Variants in SPRY3 observed in about 807,000 individuals in gnomAD.
The protein encoded by SPRY3 is sprouty RTK signaling antagonist 3.
A neutral mutation model predicts 20.2 loss-of-function variants in SPRY3; 15 were observed. The observed-to-expected ratio is 0.74, with a 90% CI of 0.50 to 1.14. The LOEUF (loss-of-function observed/expected upper bound fraction) is 1.14. Ranked by LOEUF, SPRY3 falls within the 50% of genes most tolerant of loss-of-function variation. The pLI, the probability that SPRY3 is intolerant of heterozygous loss-of-function variation, is 0.00. For missense variants in SPRY3, 364 were observed against 363.9 expected, an observed-to-expected ratio of 1.00 and a Z score of 0.00; for synonymous variants, 143 against 136.5, an observed-to-expected ratio of 1.05 and a Z score of -0.33.
At chrX:155,774,227 C>G in exon 4 of SPRY3, 1 of 1,614,030 alleles carries the variant, frequency 6.2e-7, no homozygotes, top group Non-Finnish European at 8.5e-7. Flanking sequence ...CAACCTGGAG[C>G]AGGGGTCCAC....
intron 2 of SPRY3, among the ~76,000 whole-genome samples, chrX:155,748,779 A>G (rs2091242587): frequency 6.6e-6 from 1 of 151,912 alleles, no homozygotes; most frequent in Non-Finnish European, 1.5e-5. Context: ...CTTTCCACGT[A>G]CAATAAACAA....
exon 4 of SPRY3, chrX:155,775,899 A>C (rs2091422240): frequency 6.0e-6 from 1 of 167,098 alleles, no homozygotes; most frequent in Non-Finnish European, 1.5e-5. Context: ...AGCTGGAAGG[A>C]ATCTTAACTA....
chrX:155,678,928 C>T, intron 2 of SPRY3, among the ~76,000 whole-genome samples: 1 of 111,801 alleles, frequency 8.9e-6, no homozygotes, highest in Non-Finnish European at 1.9e-5. Context: ...AGCTCCTACT[C>T]TGTACCAGGC....
chrX:155,760,445 T>C (rs2091299632), intron 2 of SPRY3, among the ~76,000 whole-genome samples: 2 of 152,166 alleles, frequency 1.3e-5, no homozygotes, highest in South Asian at 2.1e-4. Context: ...GGGGACTCAG[T>C]TGGCAGATTC....
chrX:155,687,148 T>A (rs186964321), intron 2 of SPRY3, among the ~76,000 whole-genome samples: 239 of 112,914 alleles, frequency 2.1e-3, no homozygotes, highest in Middle Eastern at 0.019. Flanking sequence ...GAAAGGAAGG[T>A]ATACATTATT....
chrX:155,635,761 G>A (rs1055117571), intron 1 of SPRY3, among the ~76,000 whole-genome samples: 10 of 111,793 alleles, frequency 8.9e-5, no homozygotes, highest in Admixed American at 1.9e-4. Context: ...TTACACTGTC[G>A]GTGGGACTGT....
chrX:155,624,123 T>C (rs1462273755), intron 1 of SPRY3, among the ~76,000 whole-genome samples: 2 of 112,260 alleles, frequency 1.8e-5, no homozygotes, highest in East Asian at 5.6e-4. Context: ...GCTGCTTTTT[T>C]CCTTTTTGAA....
intron 1 of SPRY3, among the ~76,000 whole-genome samples, chrX:155,647,911 C>T (rs1557351996): frequency 2.7e-5 from 3 of 111,387 alleles, no homozygotes; most frequent in African/African-American, 9.8e-5. Context: ...AACTAATTAC[C>T]CTCCCACCAA....
chrX:155,758,971 T>C (rs57915757), intron 2 of SPRY3, among the ~76,000 whole-genome samples: 19,672 of 152,186 alleles, frequency 0.13, 1,306 homozygotes, highest in Middle Eastern at 0.2. Context: ...TCAAGCTGAG[T>C]GTAAGGGACC....
intron 2 of SPRY3, among the ~76,000 whole-genome samples, chrX:155,751,971 AATAAAATAAAAT>A (rs2091265789): frequency 6.7e-6 from 1 of 149,362 alleles, no homozygotes; most frequent in Admixed American, 6.7e-5. Context: ...AATAAAATAA[AATAAAATAAAAT>A]AAAGGAAAGG....
intron 2 of SPRY3, among the ~76,000 whole-genome samples, chrX:155,728,993 T>G (rs1365865752): frequency 6.6e-6 from 1 of 152,110 alleles, no homozygotes; most frequent in African/African-American, 2.4e-5. Flanking sequence ...TATATAATGA[T>G]AATAGGGTCA....
intron 2 of SPRY3, among the ~76,000 whole-genome samples, chrX:155,678,897 T>A (rs754645029): frequency 8.9e-6 from 1 of 111,926 alleles, no homozygotes; most frequent in East Asian, 2.8e-4. Context: ...AGAGGACAGA[T>A]TCATTCAACA....
intron 2 of SPRY3, among the ~76,000 whole-genome samples, chrX:155,732,589 G>A (rs1000149416): frequency 1.3e-5 from 2 of 152,012 alleles, no homozygotes; most frequent in African/African-American, 4.8e-5. Flanking sequence ...AAATCAGTTT[G>A]AGGTTCCTCA....
intron 1 of SPRY3, among the ~76,000 whole-genome samples, chrX:155,639,458 C>T (rs1489565529): frequency 2.7e-5 from 3 of 112,153 alleles, no homozygotes; most frequent in African/African-American, 9.7e-5. Context: ...ATAGATTTCT[C>T]ATATAGGAGT....
chrX:155,707,955 A>G (rs375583447), intron 2 of SPRY3, among the ~76,000 whole-genome samples: 1 of 151,220 alleles, frequency 6.6e-6, no homozygotes, highest in South Asian at 2.1e-4. Flanking sequence ...GATCTTTGCT[A>G]ATATTTTCTA....
chrX:155,632,219 C>CCACACACACACACA (rs55865452), intron 1 of SPRY3, among the ~76,000 whole-genome samples: 5,043 of 98,547 alleles, frequency 0.051, 130 homozygotes, highest in Non-Finnish European at 0.07. Context: ...TCCACAGCCA[C>CCACACACACACACA]CACACACACA....
In SPRY3 at chrX:155,625,777, T is replaced by C. The variant is rs782074762; in HGVS notation, c.-441+13130T>C. 3.6e-5 allele frequency among the ~76,000 whole-genome samples: 4 copies of C among 111,653 alleles called. No individual in the cohort carries two copies. The South Asian group carries it at 1.5e-3, about 42-fold the overall frequency. ...CCTACCACTGGCAACCACTAATTCA[T>C]TTTCTGTCTATTATTCCAGACATTT... On this transcript the variant is annotated intron_variant, in intron 1 of 3. Transcript: ENST00000675360.
At chrX:155,667,443 T>C (rs2068028055) in intron 2 of SPRY3, among the ~76,000 whole-genome samples, 1 of 110,981 alleles carries the variant, frequency 9.0e-6, no homozygotes, top group African/African-American at 3.3e-5. Flanking sequence ...AGATTGGCCT[T>C]AACTAGGAGA....
At chrX:155,726,174 G>A (rs1039844934) in intron 2 of SPRY3, among the ~76,000 whole-genome samples, 1 of 152,118 alleles carries the variant, frequency 6.6e-6, no homozygotes, top group Non-Finnish European at 1.5e-5. Flanking sequence ...TTGCACTGTG[G>A]TCTGAGAAAC....
Sources: allele counts gnomAD v4.1 joint callset (sites outside exome capture counted in the v4.1 genomes callset), GRCh38; gene constraint gnomAD v4.1.1; transcripts MANE v1.5; gene names NCBI Gene and HGNC (gene_info 2026-07-23, HGNC 2026-07-21).